Variants in CCBE1 observed in about 807,000 individuals in gnomAD.
The protein encoded by CCBE1 is collagen and calcium binding EGF domains 1.
Under a neutral mutation model 50.0 loss-of-function variants are expected in CCBE1, and 37 were observed. That is an observed-to-expected ratio of 0.74 (90% CI 0.57 to 0.97). CCBE1 has a LOEUF of 0.97. CCBE1 is among the 50% of genes least tolerant of loss of function. The probability of loss-of-function intolerance (pLI) is 0.00; values close to 1 mark genes in which losing one functional copy is unlikely to be tolerated. For synonymous variants in CCBE1, 234 were observed against 203.7 expected (o/e 1.15, Z -1.27); for missense variants, 538 against 523.8 (o/e 1.03, Z -0.26).
intron 2 of CCBE1, among the ~76,000 whole-genome samples, chr18:59,561,128 C>T (rs1401478553): frequency 1.3e-5 from 2 of 152,162 alleles, no homozygotes; most frequent in African/African-American, 4.8e-5. Flanking sequence ...AAGCTCAGGG[C>T]AGTGTAAATG....
At chr18:59,623,234 AG>A (rs2053735857) in intron 2 of CCBE1, among the ~76,000 whole-genome samples, 1 of 152,210 alleles carries the variant, frequency 6.6e-6, no homozygotes. Context: ...GGATGAGACA[AG>A]CTCCCTGATT....
chr18:59,676,264 T>C (rs1380714147), intron 2 of CCBE1, among the ~76,000 whole-genome samples: 1 of 152,184 alleles, frequency 6.6e-6, no homozygotes, highest in African/African-American at 2.4e-5. Context: ...TAAGGAACAG[T>C]CTTTGTTCTC....
In CCBE1 at chr18:59,456,191, G is replaced by C. The variant is rs1003042363; in HGVS notation, c.554-1240C>G. Among the ~76,000 whole-genome samples, 4 of 152,312 alleles carry C rather than the reference G, an allele frequency of 2.6e-5. 1 individual carries two copies. In the South Asian group the frequency reaches 6.2e-4, roughly 24 times the overall value. ...CTCCCTGGAGAGCATCTCTTAGGGC[G>C]CATGCCACCAGGTAAGCTGCCTAAG... On this transcript the variant is annotated intron_variant, in intron 5 of 10. Transcript: ENST00000439986.
intron 2 of CCBE1, among the ~76,000 whole-genome samples, chr18:59,671,812 TA>T (rs60518510): frequency 0.012 from 1,535 of 132,120 alleles, 38 homozygotes; most frequent in African/African-American, 0.041. Context: ...GTGGGAAGGT[TA>T]AAAAAAAAGG....
At chr18:59,613,288 A>G (rs1171445164) in intron 2 of CCBE1, among the ~76,000 whole-genome samples, 1 of 152,162 alleles carries the variant, frequency 6.6e-6, no homozygotes, top group Non-Finnish European at 1.5e-5. Context: ...ACAAACAGCA[A>G]AATATGTTTT....
intron 7 of CCBE1, 51 bp downstream of exon 7, chr18:59,447,932 G>A (rs367588004): frequency 2.5e-6 from 4 of 1,612,344 alleles, no homozygotes; most frequent in Non-Finnish European, 3.4e-6. Flanking sequence ...TGAGCTTTTG[G>A]CAGGCTTTTT....
intron 2 of CCBE1, among the ~76,000 whole-genome samples, chr18:59,504,367 G>A (rs1418680326): frequency 1.4e-5 from 2 of 147,374 alleles, no homozygotes; most frequent in African/African-American, 2.5e-5. Context: ...AGTAGTATCT[G>A]ATCCTAGAAT....
rs531049360 is a variant in CCBE1 at position 59,434,080 on chromosome 18, G to T, written c.*1828C>A. On this transcript the variant is annotated 3_prime_UTR_variant, in exon 11 of 11. Transcript: ENST00000439986. ...AATTTTTGTATTTTTAGTAGAGACAGGGTTTCACCATGTTGGTCAGGCTGG... is the reference window on the plus strand; with the variant it reads ...AATTTTTGTATTTTTAGTAGAGACATGGTTTCACCATGTTGGTCAGGCTGG... 1.3e-5 allele frequency: 2 copies of T among 150,370 alleles called. No homozygotes were observed. Among genetic ancestry groups the T allele is most frequent in the Non-Finnish European group, 2.9e-5 (2 of 67,878 alleles). 9.3% of individuals were successfully genotyped at this position (150,370 alleles called of 1,614,324 possible). A position where few individuals can be genotyped will look rare whatever the true frequency, so the allele number is the denominator to read the frequency against.
intron 2 of CCBE1, among the ~76,000 whole-genome samples, chr18:59,658,203 A>G (rs1020476814): frequency 6.7e-6 from 1 of 149,232 alleles, no homozygotes; most frequent in East Asian, 2.0e-4. Context: ...TACCTGGCAC[A>G]TAAGCACTCA....
chr18:59,610,108 T>C (rs1350330455), intron 2 of CCBE1, among the ~76,000 whole-genome samples: 2 of 152,230 alleles, frequency 1.3e-5, no homozygotes, highest in African/African-American at 4.8e-5. Flanking sequence ...TTGGGATACA[T>C]GCTTAAGTTT....
intron 2 of CCBE1, among the ~76,000 whole-genome samples, chr18:59,627,759 A>G (rs188522979): frequency 1.2e-4 from 18 of 152,336 alleles, no homozygotes; most frequent in African/African-American, 3.8e-4. Flanking sequence ...TTCAGAGGAA[A>G]CTTGGCCCCA....
intron 2 of CCBE1, among the ~76,000 whole-genome samples, chr18:59,503,074 G>C (rs942510000): frequency 6.6e-6 from 1 of 152,224 alleles, no homozygotes; most frequent in African/African-American, 2.4e-5. Flanking sequence ...CTGGGGGTGG[G>C]CCTGTGCCTG....
At chr18:59,532,363 G>C (rs1915085898) in intron 2 of CCBE1, among the ~76,000 whole-genome samples, 1 of 152,168 alleles carries the variant, frequency 6.6e-6, no homozygotes, top group Non-Finnish European at 1.5e-5. Flanking sequence ...TCTTTATATG[G>C]AGAATGTCTA....
intron 2 of CCBE1, among the ~76,000 whole-genome samples, chr18:59,482,988 G>T (rs1359647793): frequency 6.6e-6 from 1 of 151,994 alleles, no homozygotes; most frequent in Admixed American, 6.6e-5. Flanking sequence ...ATGCTTTCTA[G>T]GAAGAGAAAC....
intron 2 of CCBE1, among the ~76,000 whole-genome samples, chr18:59,545,217 A>G (rs1034301491): frequency 3.3e-5 from 5 of 151,832 alleles, no homozygotes; most frequent in Non-Finnish European, 5.9e-5. Context: ...ATCTCTATAT[A>G]TGTGTGTATA....
intron 2 of CCBE1, among the ~76,000 whole-genome samples, chr18:59,644,812 C>A (rs2054033936): frequency 6.6e-6 from 1 of 152,140 alleles, no homozygotes; most frequent in Non-Finnish European, 1.5e-5. Context: ...CTTGCCAATT[C>A]CTACATTTTA....
At chr18:59,677,713 C>T (rs2054524960) in intron 2 of CCBE1, among the ~76,000 whole-genome samples, 1 of 151,828 alleles carries the variant, frequency 6.6e-6, no homozygotes, top group Admixed American at 6.6e-5. Flanking sequence ...AAAAAAAATT[C>T]CCCAGGATGA....
chr18:59,490,627 C>T (rs1448650744), intron 2 of CCBE1, among the ~76,000 whole-genome samples: 1 of 152,184 alleles, frequency 6.6e-6, no homozygotes, highest in Non-Finnish European at 1.5e-5. Context: ...TCACGATTCA[C>T]TTCGCCAACC....
At chr18:59,625,700 C>G (rs2053774286) in intron 2 of CCBE1, among the ~76,000 whole-genome samples, 2 of 130,720 alleles carry the variant, frequency 1.5e-5, no homozygotes, top group South Asian at 5.0e-4. Flanking sequence ...TTCTTACATT[C>G]TGTAGTTCTA....
Sources: allele counts gnomAD v4.1 joint callset (sites outside exome capture counted in the v4.1 genomes callset), GRCh38; gene constraint gnomAD v4.1.1; transcripts MANE v1.5; gene names NCBI Gene and HGNC (gene_info 2026-07-23, HGNC 2026-07-21).